The following MACROD2 variants were observed in gnomAD, a reference collection of about 807,000 sequenced individuals.
MACROD2 encodes the protein mono-ADP ribosylhydrolase 2, also known as ADP-ribose glycohydrolase MACROD2.
In MACROD2, 36 loss-of-function variants were observed where a neutral mutation model predicts 70.4. The observed-to-expected ratio is 0.51, with a 90% CI of 0.39 to 0.68. MACROD2 has a LOEUF of 0.68. MACROD2 is among the 30% of genes least tolerant of loss of function. MACROD2 has a pLI of 0.00. For missense variants in MACROD2, 496 were observed against 538.4 expected, an observed-to-expected ratio of 0.92 and a Z score of 0.78; for synonymous variants, 172 against 178.8, an observed-to-expected ratio of 0.96 and a Z score of 0.30.
In MACROD2 at chr20:14,855,629, A is replaced by G. The variant is rs62202767; in HGVS notation, c.418+170670A>G. ...TTTTTTTTTTTTTTTTTTTTTTTTA[A>G]TAAGGCACAGCTCAATTCTTATCTC... is the stretch of plus-strand genomic sequence containing the variant. On this transcript the variant is annotated intron_variant, in intron 5 of 17. Transcript: ENST00000684519. Among the ~76,000 whole-genome samples, 52 of 79,880 alleles carry G rather than the reference A, an allele frequency of 6.5e-4. No homozygotes were observed. In the South Asian group the frequency reaches 0.022, roughly 34 times the overall value. The allele number at this position is 79,880 out of a possible 152,430, so 52.4% of individuals were successfully genotyped here.
intron 5 of MACROD2, among the ~76,000 whole-genome samples, chr20:14,768,707 C>G (rs920550444): frequency 1.3e-5 from 2 of 150,416 alleles, no homozygotes; most frequent in Non-Finnish European, 3.0e-5. Context: ...GCCTCTGCCT[C>G]CCGGGTTCAA....
intron 3 of MACROD2, among the ~76,000 whole-genome samples, chr20:14,228,603 C>G (rs117600478): frequency 0.026 from 3,944 of 152,150 alleles, 89 homozygotes; most frequent in Non-Finnish European, 0.034. Context: ...TAGATTTTTA[C>G]TTAATGGAAT....
At chr20:15,899,229 T>C (rs534664634) in intron 10 of MACROD2, among the ~76,000 whole-genome samples, 20 of 152,244 alleles carry the variant, frequency 1.3e-4, no homozygotes, top group African/African-American at 4.6e-4. Context: ...TATATGTATA[T>C]ATGTATATGT....
intron 13 of MACROD2, among the ~76,000 whole-genome samples, chr20:15,980,338 C>G (rs1234387292): frequency 6.6e-6 from 1 of 152,170 alleles, no homozygotes; most frequent in Non-Finnish European, 1.5e-5. Context: ...GAGGGTCTCT[C>G]TCTTCCCTCA....
At chr20:14,800,203 C>T (rs902828126) in intron 5 of MACROD2, among the ~76,000 whole-genome samples, 15 of 151,356 alleles carry the variant, frequency 9.9e-5, no homozygotes, top group East Asian at 1.9e-4. Flanking sequence ...CACAAGAAGG[C>T]GAGAAAATTT....
chr20:15,933,505 T>C (rs1193786520), intron 11 of MACROD2, 167 bp downstream of exon 11: 4 of 561,238 alleles, frequency 7.1e-6, no homozygotes, highest in Non-Finnish European at 1.3e-5. Flanking sequence ...AACTATGAGT[T>C]GAGTGCTTTC....
chr20:14,449,052 CTG>C (rs1756552885), intron 3 of MACROD2, among the ~76,000 whole-genome samples: 1 of 151,996 alleles, frequency 6.6e-6, no homozygotes, highest in African/African-American at 2.4e-5. Flanking sequence ...GTTGAAGAAA[CTG>C]AAGAAAGAGG....
At chr20:14,746,534 T>C (rs1209530076) in intron 5 of MACROD2, among the ~76,000 whole-genome samples, 1 of 152,164 alleles carries the variant, frequency 6.6e-6, no homozygotes, top group Non-Finnish European at 1.5e-5. Flanking sequence ...TGTCTGTGTG[T>C]ATAGCCTGTA....
chr20:15,205,991 GT>G (rs2076698106), intron 5 of MACROD2, among the ~76,000 whole-genome samples: 1 of 152,158 alleles, frequency 6.6e-6, no homozygotes, highest in African/African-American at 2.4e-5. Context: ...CAAGGAAGCA[GT>G]CCCCCAGCAG....
chr20:14,269,442 T>A (rs1248413087), intron 3 of MACROD2, among the ~76,000 whole-genome samples: 1 of 152,186 alleles, frequency 6.6e-6, no homozygotes, highest in Non-Finnish European at 1.5e-5. Flanking sequence ...CTGACAAAAA[T>A]AAATTATTAA....
rs189381966 is a variant in MACROD2 at position 15,485,973 on chromosome 20, C to T, written c.572-13801C>T. 1.4e-3 allele frequency among the ~76,000 whole-genome samples: 219 copies of T among 152,158 alleles called. 1 individual carries two copies. Among genetic ancestry groups the T allele is most frequent in the Non-Finnish European group, 1.9e-3 (132 of 68,000 alleles). On this transcript the variant is annotated intron_variant, in intron 7 of 17. Coordinates refer to ENST00000684519, the MANE Select transcript of MACROD2 (RefSeq NM_001351661.2). ...ATTCATTTTAGATGATTTAAAGAAA[C>T]GTATCCATATTACTAGGATGTGGTG...
At chr20:15,224,363 C>T (rs943273504) in intron 5 of MACROD2, among the ~76,000 whole-genome samples, 1 of 152,138 alleles carries the variant, frequency 6.6e-6, no homozygotes, top group African/African-American at 2.4e-5. Context: ...AAAATGTATA[C>T]ATACAAATGT....
At chr20:15,554,491 A>G (rs1354639783) in intron 8 of MACROD2, among the ~76,000 whole-genome samples, 1 of 151,994 alleles carries the variant, frequency 6.6e-6, no homozygotes, top group Non-Finnish European at 1.5e-5. Flanking sequence ...TTTCCATCAA[A>G]TAAGTTTCAT....
chr20:15,218,669 A>G (rs1429061343), intron 5 of MACROD2, among the ~76,000 whole-genome samples: 1 of 152,166 alleles, frequency 6.6e-6, no homozygotes, highest in Non-Finnish European at 1.5e-5. Flanking sequence ...GTGCTTTTCC[A>G]TTCTCAAGAG....
rs977377825 is a variant in MACROD2 at position 14,877,650 on chromosome 20, T to TTTTTG, written c.418+192711_418+192715dup. ...CTTCAATGCCTAGTTTCTTGAGGTT[T>TTTTTG]TTTTGTTTTGTTTTGTTTTGTTTTA... On this transcript the variant is annotated intron_variant, in intron 5 of 17. Transcript: ENST00000684519. Among the ~76,000 whole-genome samples, 26 of 152,040 alleles carry TTTTTG rather than the reference T, an allele frequency of 1.7e-4. 1 individual carries two copies. In the South Asian group the frequency reaches 2.1e-3, roughly 12 times the overall value.
At chr20:15,596,837 C>T (rs1020562802) in intron 8 of MACROD2, among the ~76,000 whole-genome samples, 41 of 152,338 alleles carry the variant, frequency 2.7e-4, no homozygotes, top group Middle Eastern at 3.4e-3. Flanking sequence ...AGTCCTAACA[C>T]GGGCTTAAGG....
chr20:15,111,165 T>A (rs1373259124), intron 5 of MACROD2, among the ~76,000 whole-genome samples: 1 of 111,900 alleles, frequency 8.9e-6, no homozygotes, highest in Non-Finnish European at 1.7e-5. Flanking sequence ...TTTTGTTTGT[T>A]TGTTTTTGTT....
Position 14,360,927 on chromosome 20 carries a change from A to C in MACROD2, c.272-132552A>C, listed in dbSNP as rs2083215213. Among the ~76,000 whole-genome samples, 4 of 152,326 alleles carry C rather than the reference A, an allele frequency of 2.6e-5. No individual in the cohort carries two copies. In the South Asian group the frequency reaches 8.3e-4, roughly 32 times the overall value. On this transcript the variant is annotated intron_variant, in intron 3 of 17. Coordinates refer to ENST00000684519, the MANE Select transcript of MACROD2 (RefSeq NM_001351661.2). ...AGTCTTGGATTTGCAGAAGCAATTA[A>C]GGGAAGATATCTCACAGAAGGACAG...
chr20:15,505,293 G>C (rs986101581), intron 8 of MACROD2, among the ~76,000 whole-genome samples: 1 of 152,172 alleles, frequency 6.6e-6, no homozygotes, highest in Non-Finnish European at 1.5e-5. Flanking sequence ...GCTAGTCAGG[G>C]AATACGGCTT....
Sources: allele counts gnomAD v4.1 joint callset (sites outside exome capture counted in the v4.1 genomes callset), GRCh38; gene constraint gnomAD v4.1.1; transcripts MANE v1.5; gene names NCBI Gene and HGNC (gene_info 2026-07-23, HGNC 2026-07-21).